USP37: variants seen among roughly 807,000 people sequenced by gnomAD.
USP37 encodes ubiquitin carboxyl-terminal hydrolase 37.
Under a neutral mutation model 124.0 loss-of-function variants are expected in USP37, and 27 were observed. The ratio of observed to expected loss-of-function variants is 0.22; its 90% CI spans 0.16 to 0.30. The LOEUF is 0.30. Among genes scored for constraint, USP37 ranks in the 10% least tolerant of loss-of-function variants. USP37 has a pLI of 1.00. For synonymous variants in USP37, 365 were observed against 388.0 expected (o/e 0.94, Z 0.70); for missense variants, 889 against 1,140.4 (o/e 0.78, Z 3.17).
At chr2:218,544,406 A>AAAAAAAAATAT (rs1312705279) in intron 8 of USP37, among the ~76,000 whole-genome samples, 2 of 82,994 alleles carry the variant, frequency 2.4e-5, no homozygotes, top group African/African-American at 1.4e-4. Context: ...AAAAAAAAAA[A>AAAAAAAAATAT]ATATATATAT....
chr2:218,560,557 T>C (rs1693252995), intron 3 of USP37, among the ~76,000 whole-genome samples: 1 of 152,146 alleles, frequency 6.6e-6, no homozygotes, highest in Admixed American at 6.6e-5. Context: ...CCTCAATAAA[T>C]ACAATGTTAA....
At chr2:218,566,195 G>C (rs1225088602) in intron 1 of USP37, among the ~76,000 whole-genome samples, 1 of 152,214 alleles carries the variant, frequency 6.6e-6, no homozygotes, top group African/African-American at 2.4e-5. Flanking sequence ...GTTGAAAACT[G>C]CAGAAGGAGA....
chr2:218,522,686 T>C (rs906767658), intron 10 of USP37, among the ~76,000 whole-genome samples: 1 of 152,066 alleles, frequency 6.6e-6, no homozygotes, highest in Non-Finnish European at 1.5e-5. Context: ...GGATAAATGA[T>C]ATCCTTGAGC....
At chr2:218,488,466 A>T in intron 14 of USP37, 45 bp from the exon 15 acceptor site, 2 of 1,274,124 alleles carry the variant, frequency 1.6e-6, no homozygotes, top group Non-Finnish European at 2.2e-6. Context: ...ACCAATACAC[A>T]AGAAACACAA....
chr2:218,544,406 A>AAAAAATAT (rs1312705279), intron 8 of USP37, among the ~76,000 whole-genome samples: 4 of 82,976 alleles, frequency 4.8e-5, no homozygotes, highest in African/African-American at 2.8e-4. Flanking sequence ...AAAAAAAAAA[A>AAAAAATAT]ATATATATAT....
At chr2:218,514,270 C>A (rs1028425467) in intron 10 of USP37, 1 of 152,144 alleles carries the variant, frequency 6.6e-6, no homozygotes, top group African/African-American at 2.4e-5. Context: ...ACATATTATT[C>A]AAATTTCATC....
At chr2:218,531,223 G>T (rs1301137056) in intron 9 of USP37, among the ~76,000 whole-genome samples, 2 of 152,170 alleles carry the variant, frequency 1.3e-5, no homozygotes, top group Admixed American at 1.3e-4. Context: ...CTTGCTAGGC[G>T]CTAATGTGGC....
At position 218,453,112 on chromosome 2, in the gene USP37, C is replaced by T. The variant is rs977943667; in HGVS notation, c.*1818G>A. 3.3e-5 allele frequency: 5 copies of T among 152,090 alleles called. No individual in the cohort carries two copies. The highest frequency in any genetic ancestry group is 6.6e-5 in the Admixed American group (1 of 15,258). 9.4% of individuals were successfully genotyped at this position (152,090 alleles called of 1,614,324 possible). A position where few individuals can be genotyped will look rare whatever the true frequency, so the allele number is the denominator to read the frequency against. ...CAGTAGTTGAGCAAAACTGCTGAGG[C>T]CATTTATAATTCAAAGAATGAAAAC... On this transcript the variant is annotated 3_prime_UTR_variant, in exon 26 of 26. Transcript: ENST00000258399.
chr2:218,451,336 T>G lies in USP37; in HGVS notation c.*3594A>C, dbSNP rs1483968486. The G allele has an allele frequency of 1.3e-5, 2 of 152,172 alleles. No individual in the cohort carries two copies. The highest frequency in any genetic ancestry group is 1.3e-4 in the Admixed American group (2 of 15,274). The allele number at this position is 152,172 out of a possible 1,614,324, so 9.4% of individuals were successfully genotyped here. A position where few individuals can be genotyped will look rare whatever the true frequency, so the allele number is the denominator to read the frequency against. ...TACAAAATCCATATGTACTTGGAGATCCAGCTGTTGCCCCCTGTTTAAAAC... is the reference window on the plus strand; with the variant it reads ...TACAAAATCCATATGTACTTGGAGAGCCAGCTGTTGCCCCCTGTTTAAAAC... On this transcript the variant is annotated 3_prime_UTR_variant, in exon 26 of 26. Transcript: ENST00000258399.
At position 218,557,930 on chromosome 2, in the gene USP37, C is replaced by CAAAAAAAAAAAA. The variant is rs61488353; in HGVS notation, c.156+556_156+567dup. Among the ~76,000 whole-genome samples the CAAAAAAAAAAAA allele has an allele frequency of 4.2e-3, 150 of 35,650 alleles. 1 individual carries two copies. Among genetic ancestry groups the CAAAAAAAAAAAA allele is most frequent in the Middle Eastern group, 0.048 (2 of 42 alleles). The allele number at this position is 35,650 out of a possible 152,430, so 23.4% of individuals were successfully genotyped here. A position where few individuals can be genotyped will look rare whatever the true frequency, so the allele number is the denominator to read the frequency against. On this transcript the variant is annotated intron_variant, in intron 4 of 25. Transcript: ENST00000258399. ...TGGGTGACAGAGGAAGACTCTGTCT[C>CAAAAAAAAAAAA]AAAAAAAAAAAAAAAAAAAAGGTGA... is the stretch of plus-strand genomic sequence containing the variant.
intron 21 of USP37, 62 bp from the exon 22 acceptor site, chr2:218,463,428 AG>A (rs1690135506): frequency 1.4e-6 from 2 of 1,471,926 alleles, no homozygotes; most frequent in Non-Finnish European, 1.9e-6. Context: ...TTACTTAATG[AG>A]GATAAAATCA....
At chr2:218,492,731 GCA>G (rs1197628803) in intron 14 of USP37, among the ~76,000 whole-genome samples, 2 of 152,202 alleles carry the variant, frequency 1.3e-5, no homozygotes, top group Admixed American at 6.5e-5. Flanking sequence ...ACAAAGCTGG[GCA>G]CAGTGGCTTA....
chr2:218,557,053 G>C (rs1292546230), intron 4 of USP37, among the ~76,000 whole-genome samples: 1 of 151,380 alleles, frequency 6.6e-6, no homozygotes, highest in Admixed American at 6.6e-5. Flanking sequence ...TTTTTTTGTA[G>C]AGACAGGGTC....
At chr2:218,497,539 G>A (rs927909347) in intron 13 of USP37, among the ~76,000 whole-genome samples, 195 bp downstream of exon 13, 5 of 151,096 alleles carry the variant, frequency 3.3e-5, no homozygotes, top group Non-Finnish European at 7.4e-5. Context: ...GATTACAGGC[G>A]CATGCCACCA....
At chr2:218,472,980 G>A (rs1690777471) in intron 20 of USP37, among the ~76,000 whole-genome samples, 1 of 151,892 alleles carries the variant, frequency 6.6e-6, no homozygotes, top group Non-Finnish European at 1.5e-5. Context: ...CTTTAGTCAG[G>A]GCCAGTTTTT....
chr2:218,563,709 AC>A (rs1269944697), intron 1 of USP37, among the ~76,000 whole-genome samples: 1 of 152,094 alleles, frequency 6.6e-6, no homozygotes, highest in Non-Finnish European at 1.5e-5. Context: ...CTTTCAAGGC[AC>A]CCTGGTAGGC....
chr2:218,533,322 C>T (rs1030760366), intron 9 of USP37, among the ~76,000 whole-genome samples: 2 of 152,090 alleles, frequency 1.3e-5, no homozygotes, highest in African/African-American at 4.8e-5. Context: ...TCAATTGACT[C>T]TTTATTGTAG....
At chr2:218,535,359 T>TA (rs1241248911) in intron 8 of USP37, among the ~76,000 whole-genome samples, 1 of 148,084 alleles carries the variant, frequency 6.8e-6, no homozygotes, top group Non-Finnish European at 1.5e-5. Context: ...GAGTGAGTCT[T>TA]AGTCTTAAAA....
intron 18 of USP37, among the ~76,000 whole-genome samples, chr2:218,479,149 C>CA (rs1416242786): frequency 6.6e-6 from 1 of 152,028 alleles, no homozygotes; most frequent in Non-Finnish European, 1.5e-5. Context: ...TGGTCTTAAA[C>CA]AAAAAAATAG....
Sources: gnomAD v4.1 joint callset for allele counts (sites outside exome capture counted in the v4.1 genomes callset) on GRCh38, gnomAD v4.1.1 for gene constraint, MANE v1.5 for transcripts, NCBI Gene and HGNC (gene_info 2026-07-23, HGNC 2026-07-21) for gene names.